CREB5: variants seen among roughly 807,000 people sequenced by gnomAD.
CREB5 encodes the protein cAMP responsive element binding protein 5.
A neutral mutation model predicts 57.1 loss-of-function variants in CREB5; 19 were observed. The observed-to-expected ratio is 0.33, with a 90% CI of 0.23 to 0.49. The LOEUF (loss-of-function observed/expected upper bound fraction) is 0.49, where lower values mean the gene tolerates loss of function less well. CREB5 is among the 20% of genes least tolerant of loss of function. The pLI, the probability that CREB5 is intolerant of heterozygous loss-of-function variation, is 0.99. For synonymous variants in CREB5, 238 were observed against 238.3 expected (o/e 1.00, Z 0.01); for missense variants, 579 against 671.6 (o/e 0.86, Z 1.52).
intron 5 of CREB5, among the ~76,000 whole-genome samples, chr7:28,580,635 C>T (rs1434029812): frequency 6.7e-6 from 1 of 149,068 alleles, no homozygotes; most frequent in Non-Finnish European, 1.5e-5. Context: ...GTGTGTGAAA[C>T]TTTGGCTACC....
rs368604817 is a variant in CREB5 at position 28,724,229 on chromosome 7, G to A, written c.599G>A (p.Arg200Gln). The A allele has an allele frequency of 1.6e-5, 25 of 1,612,516 alleles. No homozygotes were observed. The highest frequency in any genetic ancestry group is 5.3e-5 in the African/African-American group (4 of 74,844). Residue 200 changes from arginine to glutamine, a missense_variant, in exon 7 of 11, where the codon CGA becomes CAA. By Grantham distance (43) the Arg-to-Gln change is conservative. Transcript: ENST00000357727. ...TTCTTTCCTTTCTCTTAGATGGAGC[G>A]ACAAATGTCAGTGAACTCCAGCATC... ...GSSAVLMPMERQMSVNSSIMG... is the reference protein window; with the variant it reads ...GSSAVLMPMEQQMSVNSSIMG...
chr7:28,706,177 A>C (rs1208056329), intron 5 of CREB5, among the ~76,000 whole-genome samples: 1 of 152,216 alleles, frequency 6.6e-6, no homozygotes, highest in East Asian at 1.9e-4. Context: ...CAACATGGCG[A>C]AACCCCATCT....
At chr7:28,360,211 C>T (rs948600943) in intron 1 of CREB5, among the ~76,000 whole-genome samples, 2 of 152,186 alleles carry the variant, frequency 1.3e-5, no homozygotes, top group Non-Finnish European at 2.9e-5. Context: ...CCACAATCTA[C>T]TTCTGGTTAT....
intron 5 of CREB5, among the ~76,000 whole-genome samples, chr7:28,605,818 T>C (rs1797110719): frequency 6.6e-6 from 1 of 152,108 alleles, no homozygotes; most frequent in Admixed American, 6.6e-5. Flanking sequence ...CATGAAACCC[T>C]AGAACAGGCA....
intron 4 of CREB5, among the ~76,000 whole-genome samples, chr7:28,515,718 G>A (rs1231089530): frequency 1.3e-5 from 2 of 151,784 alleles, no homozygotes; most frequent in Non-Finnish European, 2.9e-5. Context: ...TTTATTTTCC[G>A]TTTCTATTAC....
chr7:28,398,884 A>T (rs576242311), intron 1 of CREB5, among the ~76,000 whole-genome samples: 11 of 151,946 alleles, frequency 7.2e-5, no homozygotes, highest in East Asian at 5.8e-4. Context: ...GCTAATTTTT[A>T]AAAAATTTTG....
intron 4 of CREB5, among the ~76,000 whole-genome samples, chr7:28,542,436 G>T (rs1453284998): frequency 1.3e-5 from 2 of 152,196 alleles, no homozygotes; most frequent in Non-Finnish European, 2.9e-5. Flanking sequence ...TGTCTAGAAG[G>T]TGGTAAAACA....
chr7:28,447,821 T>C (rs1251719221), intron 1 of CREB5, among the ~76,000 whole-genome samples: 1 of 152,208 alleles, frequency 6.6e-6, no homozygotes, highest in Non-Finnish European at 1.5e-5. Flanking sequence ...CTTCTTCCCA[T>C]TGGCTTTTTC....
At chr7:28,630,573 A>G in intron 5 of CREB5, among the ~76,000 whole-genome samples, 1 of 152,180 alleles carries the variant, frequency 6.6e-6, no homozygotes, top group Non-Finnish European at 1.5e-5. Flanking sequence ...CAGCTGAAAA[A>G]GTTCGAAAAA....
chr7:28,750,194 G>A (rs966722879), intron 7 of CREB5, among the ~76,000 whole-genome samples: 2 of 151,856 alleles, frequency 1.3e-5, no homozygotes, highest in Non-Finnish European at 2.9e-5. Flanking sequence ...TATGAGCCCA[G>A]CCCCCAGCCC....
rs543504852 is a variant in CREB5, at chr7:28,476,087, C to T, written c.4-12088C>T. 8.5e-4 allele frequency among the ~76,000 whole-genome samples: 130 copies of T among 152,278 alleles called. 1 individual carries two copies. In the South Asian group the frequency reaches 0.021, roughly 25 times the overall value. ...AAACAAACGAACAGACCAAACCTAC[C>T]CAAGCTTATAGGTTGGCTGGTATGT... On this transcript the variant is annotated intron_variant, in intron 1 of 10. Transcript: ENST00000357727.
At chr7:28,594,959 C>T (rs1796645249) in intron 5 of CREB5, among the ~76,000 whole-genome samples, 1 of 152,040 alleles carries the variant, frequency 6.6e-6, no homozygotes, top group African/African-American at 2.4e-5. Flanking sequence ...GCCATAGATC[C>T]CCTTATACCC....
intron 3 of CREB5, among the ~76,000 whole-genome samples, chr7:28,506,807 G>C (rs1792497070): frequency 6.6e-6 from 1 of 152,204 alleles, no homozygotes; most frequent in Admixed American, 6.5e-5. Flanking sequence ...GTGAGATCTA[G>C]ATTCTCAAGA....
At position 28,745,183 on chromosome 7, in the gene CREB5, C is replaced by T. The variant is rs141467995; in HGVS notation, c.702+20851C>T. On this transcript the variant is annotated intron_variant, in intron 7 of 10. Transcript: ENST00000357727. ...GCAAACAGTATTCATAAGTTGTAGT[C>T]GCTCTTTCAATGATGTTTTGGCAAA... Among the ~76,000 whole-genome samples, 1,092 of 152,258 alleles carry T rather than the reference C, an allele frequency of 7.2e-3. 12 individuals are homozygous for T. Among genetic ancestry groups the T allele is most frequent in the African/African-American group, 0.025 (1,055 of 41,538 alleles).
At chr7:28,436,288 T>A (rs924977759) in intron 1 of CREB5, among the ~76,000 whole-genome samples, 3 of 152,276 alleles carry the variant, frequency 2.0e-5, no homozygotes, top group Admixed American at 2.0e-4. Context: ...GCCTTTCCAC[T>A]TATGTTTTCC....
At chr7:28,717,038 G>A (rs917741402) in intron 5 of CREB5, among the ~76,000 whole-genome samples, 47 of 150,110 alleles carry the variant, frequency 3.1e-4, no homozygotes, top group African/African-American at 1.1e-3. Flanking sequence ...ATACAACTGA[G>A]TGTAATTAGT....
chr7:28,450,985 T>C (rs982980570), intron 1 of CREB5, among the ~76,000 whole-genome samples: 1 of 152,174 alleles, frequency 6.6e-6, no homozygotes, highest in Admixed American at 6.5e-5. Context: ...AACCTGGCTC[T>C]TTGTGCCTCA....
At chr7:28,502,247 T>A (rs1280164517) in intron 3 of CREB5, among the ~76,000 whole-genome samples, 1 of 152,216 alleles carries the variant, frequency 6.6e-6, no homozygotes, top group Non-Finnish European at 1.5e-5. Flanking sequence ...TGATTATCGA[T>A]CTTACAAATG....
chr7:28,444,780 T>G (rs1001694995), intron 1 of CREB5, among the ~76,000 whole-genome samples: 1 of 152,164 alleles, frequency 6.6e-6, no homozygotes, highest in East Asian at 1.9e-4. Context: ...GAAAATCCAA[T>G]TAGTGAAGAA....
Sources: gnomAD v4.1 joint callset for allele counts (sites outside exome capture counted in the v4.1 genomes callset) on GRCh38, gnomAD v4.1.1 for gene constraint, MANE v1.5 for transcripts, NCBI Gene and HGNC (gene_info 2026-07-23, HGNC 2026-07-21) for gene names.